The following NOMO2 variants were observed in gnomAD, a reference collection of about 807,000 sequenced individuals.
NOMO2 encodes the protein BOS complex subunit NOMO2.
In NOMO2, 14 loss-of-function variants were observed where a neutral mutation model predicts 67.1. The ratio of observed to expected loss-of-function variants is 0.21; its 90% CI spans 0.14 to 0.33. The LOEUF (loss-of-function observed/expected upper bound fraction) is 0.33. Among genes scored for constraint, NOMO2 ranks in the 10% least tolerant of loss-of-function variants. The pLI, the probability that NOMO2 is intolerant of heterozygous loss-of-function variation, is 1.00. For synonymous variants in NOMO2, 80 were observed against 305.9 expected (o/e 0.26, Z 7.71); for missense variants, 178 against 761.0 (o/e 0.23, Z 9.01).
At chr16:18,531,675 C>T in intron 12 of NOMO2, 68 bp from the exon 13 acceptor site, 1 of 1,601,154 alleles carries the variant, frequency 6.2e-7, no homozygotes, top group Non-Finnish European at 8.5e-7. Context: ...CTACAGGGCG[C>T]TAGAACATTC....
chr16:18,545,317 C>T (rs1219515046), intron 6 of NOMO2, among the ~76,000 whole-genome samples: 4 of 150,634 alleles, frequency 2.7e-5, no homozygotes, highest in Non-Finnish European at 5.9e-5. Flanking sequence ...AGGTTGGTCT[C>T]GAACTCCTGA....
At chr16:18,534,136 C>A (rs1219760965) in intron 11 of NOMO2, among the ~76,000 whole-genome samples, 5 of 151,824 alleles carry the variant, frequency 3.3e-5, no homozygotes, top group African/African-American at 1.2e-4. Context: ...GTGGAAAACA[C>A]AAGGAAATGG....
chr16:18,561,630 G>A (rs1002176303), intron 1 of NOMO2, among the ~76,000 whole-genome samples: 4 of 151,176 alleles, frequency 2.6e-5, no homozygotes, highest in African/African-American at 9.8e-5. Flanking sequence ...CGCGGATCTG[G>A]AGTCGGGGTT....
rs1901292533 is a variant in NOMO2, at chr16:18,531,327, A to G, written c.1537+139T>C. 14 of 1,326,468 alleles carry G rather than the reference A, an allele frequency of 1.1e-5. No individual in the cohort carries two copies. The East Asian group carries it at 2.5e-4, about 24-fold the overall frequency. The allele number at this position is 1,326,468 out of a possible 1,614,324, so 82.2% of individuals were successfully genotyped here. On this transcript the variant is annotated intron_variant, in intron 13 of 30. Transcript: ENST00000622306. ...GCTTCTTTCAAGCTAACATGCACCC[A>G]CTTGACTCCAAGAAGCCTCCCTCGC...
At chr16:18,531,660 C>CG in intron 12 of NOMO2, 53 bp from the exon 13 acceptor site, 2 of 1,609,238 alleles carry the variant, frequency 1.2e-6, no homozygotes, top group Non-Finnish European at 1.7e-6. Flanking sequence ...GATCTTCCCC[C>CG]TGACCTACAG....
chr16:18,557,201 A>C (rs1297094783), intron 2 of NOMO2, among the ~76,000 whole-genome samples: 1 of 152,076 alleles, frequency 6.6e-6, no homozygotes, highest in East Asian at 1.9e-4. Flanking sequence ...GGGAGGTAAA[A>C]TTGGAGGGAA....
At chr16:18,536,290 C>G (rs1321482654) in intron 11 of NOMO2, among the ~76,000 whole-genome samples, 12 of 152,180 alleles carry the variant, frequency 7.9e-5, no homozygotes, top group African/African-American at 2.9e-4. Context: ...CTTTCTTTAG[C>G]TAACTTTTAG....
intron 11 of NOMO2, chr16:18,533,834 A>C (rs1901360855): frequency 6.6e-6 from 1 of 152,220 alleles, no homozygotes; most frequent in Admixed American, 6.5e-5. Flanking sequence ...AATAAGGAGT[A>C]AGGTGTTGCA....
chr16:18,536,842 C>T (rs1567241447), intron 11 of NOMO2, among the ~76,000 whole-genome samples: 1 of 152,118 alleles, frequency 6.6e-6, no homozygotes, highest in Non-Finnish European at 1.5e-5. Context: ...ATTTGCTTCC[C>T]TGTCTTCCAT....
At chr16:18,531,851 C>A (rs1030250173) in intron 12 of NOMO2, among the ~76,000 whole-genome samples, 5 of 152,050 alleles carry the variant, frequency 3.3e-5, no homozygotes, top group Non-Finnish European at 7.4e-5. Flanking sequence ...GTCTATCTGG[C>A]CTAATTCCCC....
intron 11 of NOMO2, chr16:18,533,830 G>C (rs1351734754): frequency 2.0e-5 from 3 of 152,082 alleles, no homozygotes; most frequent in South Asian, 4.2e-4. Context: ...TCTAAATAAG[G>C]AGTAAGGTGT....
At chr16:18,536,710 G>C (rs1901432088) in intron 11 of NOMO2, among the ~76,000 whole-genome samples, 1 of 152,164 alleles carries the variant, frequency 6.6e-6, no homozygotes, top group Non-Finnish European at 1.5e-5. Context: ...CCCATCTCTG[G>C]AACACTAGTT....
intron 16 of NOMO2, among the ~76,000 whole-genome samples, chr16:18,525,884 G>A (rs1459216619): frequency 6.6e-6 from 1 of 150,452 alleles, no homozygotes; most frequent in East Asian, 1.9e-4. Flanking sequence ...GCAAAAAATA[G>A]AAGGGAAAGG....
intron 20 of NOMO2, 118 bp downstream of exon 20, chr16:18,520,479 G>A (rs1901034402): frequency 1.5e-6 from 1 of 664,620 alleles, no homozygotes; most frequent in Non-Finnish European, 2.6e-6. Context: ...TGCCAGAGAG[G>A]ATGTAAGGTG....
chr16:18,524,683 G>A, intron 16 of NOMO2, 131 bp from the exon 17 acceptor site: 2 of 708,030 alleles, frequency 2.8e-6, no homozygotes, highest in Non-Finnish European at 4.8e-6. Context: ...GCAATAATGG[G>A]ATCAGAAATA....
rs539851520 is a variant in NOMO2 at position 18,528,030 on chromosome 16, G to C, written c.1807-406C>G. On this transcript the variant is annotated intron_variant, in intron 15 of 30. Transcript: ENST00000622306. ...ATCCCCACCTAGGGGTCTTTAGCTCGCTGGTCCCAGGGCACATCTCTCCTG... is the reference window on the plus strand; with the variant it reads ...ATCCCCACCTAGGGGTCTTTAGCTCCCTGGTCCCAGGGCACATCTCTCCTG... 2.9e-4 allele frequency: 139 copies of C among 475,602 alleles called. 1 individual carries two copies. The Admixed American group carries it at 3.2e-3, about 11-fold the overall frequency. 29.5% of individuals were successfully genotyped at this position (475,602 alleles called of 1,614,324 possible).
intron 11 of NOMO2, among the ~76,000 whole-genome samples, chr16:18,535,278 C>T (rs558025669): frequency 9.3e-4 from 140 of 151,008 alleles, no homozygotes; most frequent in African/African-American, 3.3e-3. Context: ...GATGGCGCCA[C>T]TGTACTCCAG....
chr16:18,539,728 C>T (rs377686890), intron 9 of NOMO2, among the ~76,000 whole-genome samples: 1,653 of 151,592 alleles, frequency 0.011, 12 homozygotes, highest in South Asian at 0.018. Context: ...GCCTGTGTGA[C>T]GCAGCAAGAC....
At chr16:18,545,417 T>A (rs1202775573) in intron 6 of NOMO2, among the ~76,000 whole-genome samples, 1 of 151,890 alleles carries the variant, frequency 6.6e-6, no homozygotes, top group African/African-American at 2.4e-5. Context: ...TATTTTTAAA[T>A]GTTGCTGCAG....
Sources: allele counts gnomAD v4.1 joint callset (sites outside exome capture counted in the v4.1 genomes callset), GRCh38; gene constraint gnomAD v4.1.1; transcripts MANE v1.5; gene names NCBI Gene and HGNC (gene_info 2026-07-23, HGNC 2026-07-21).